ARID1B: variants seen among roughly 807,000 people sequenced by gnomAD.
ARID1B encodes the protein AT-rich interactive domain-containing protein 1B.
A neutral mutation model predicts 212.3 loss-of-function variants in ARID1B; 30 were observed. The ratio of observed to expected loss-of-function variants is 0.14; its 90% CI spans 0.11 to 0.19. The LOEUF is 0.19. ARID1B is among the 10% of genes least tolerant of loss of function. ARID1B has a pLI of 1.00. For synonymous variants in ARID1B, 1,402 were observed against 1,301.7 expected (o/e 1.08, Z -1.66); for missense variants, 2,891 against 3,204.0 (o/e 0.90, Z 2.36).
Position 157,174,832 on chromosome 6 carries a change from A to G in ARID1B, c.3346-15A>G. ...TACCTTTGTCATTTTTTTTTTTTTT[A>G]TTCCTCTACCACAGGATAGCTACAG... is the stretch of plus-strand genomic sequence containing the variant. On this transcript the variant is annotated splice_polypyrimidine_tract_variant and intron_variant, in intron 10 of 19. Coordinates refer to ENST00000636930, the MANE Select transcript of ARID1B (RefSeq NM_001374828.1). 1.5e-6 allele frequency: 2 copies of G among 1,361,236 alleles called. No individual in the cohort carries two copies. The highest frequency in any genetic ancestry group is 1.9e-5 in the South Asian group (1 of 53,332). 84.3% of individuals were successfully genotyped at this position (1,361,236 alleles called of 1,614,324 possible).
At chr6:157,011,434 A>G (rs1238289507) in intron 4 of ARID1B, among the ~76,000 whole-genome samples, 1 of 152,246 alleles carries the variant, frequency 6.6e-6, no homozygotes, top group Non-Finnish European at 1.5e-5. Flanking sequence ...AAAATGAACT[A>G]AGTGGAAAAA....
At chr6:157,132,515 C>A (rs1788618197) in intron 6 of ARID1B, among the ~76,000 whole-genome samples, 1 of 152,144 alleles carries the variant, frequency 6.6e-6, no homozygotes, top group African/African-American at 2.4e-5. Context: ...ATGGTTACTG[C>A]TTGAGGACAC....
chr6:157,143,671 G>T (rs1789530604), intron 7 of ARID1B, among the ~76,000 whole-genome samples: 1 of 152,200 alleles, frequency 6.6e-6, no homozygotes, highest in African/African-American at 2.4e-5. Flanking sequence ...CTGCTAGGGA[G>T]TGTCAGAACC....
In ARID1B at chr6:156,912,091, A is replaced by T. The variant is rs1313710185; in HGVS notation, c.2136+10566A>T. Among the ~76,000 whole-genome samples, 6 of 152,266 alleles carry T rather than the reference A, an allele frequency of 3.9e-5. No homozygotes were observed. In the East Asian group the frequency reaches 1.2e-3, roughly 29 times the overall value. The stretch of plus-strand genomic sequence containing the variant: ...CTACATAAACATGTAATGCATATAT[A>T]ATATTCTTAAATGTTGTGTAAAGGA... On this transcript the variant is annotated intron_variant, in intron 3 of 19. Transcript: ENST00000636930.
At chr6:157,126,435 AT>A (rs944350569) in intron 6 of ARID1B, among the ~76,000 whole-genome samples, 2 of 151,010 alleles carry the variant, frequency 1.3e-5, no homozygotes, top group Non-Finnish European at 3.0e-5. Context: ...CTTTTGCTTG[AT>A]TTTTTTTTCC....
intron 4 of ARID1B, among the ~76,000 whole-genome samples, chr6:156,947,631 A>G (rs934804648): frequency 1.5e-5 from 2 of 135,654 alleles, no homozygotes; most frequent in African/African-American, 5.6e-5. Context: ...CTGAAGGGCT[A>G]ATTTAAAAAA....
At chr6:157,106,198 C>T (rs1046591023) in intron 5 of ARID1B, among the ~76,000 whole-genome samples, 1 of 152,068 alleles carries the variant, frequency 6.6e-6, no homozygotes, top group African/African-American at 2.4e-5. Context: ...GAGCCCAGGA[C>T]AGTGTGTCCA....
intron 4 of ARID1B, among the ~76,000 whole-genome samples, chr6:157,005,393 A>T (rs1779189469): frequency 6.6e-6 from 1 of 151,968 alleles, no homozygotes. Flanking sequence ...TGACCTTGTG[A>T]TCTGCCTGCC....
At chr6:156,884,129 A>G (rs1787320601) in intron 2 of ARID1B, among the ~76,000 whole-genome samples, 2 of 152,206 alleles carry the variant, frequency 1.3e-5, no homozygotes, top group Admixed American at 6.5e-5. Context: ...AAGGAATTTG[A>G]TGTAAATAGT....
intron 4 of ARID1B, chr6:157,022,594 C>T (rs1036090575): frequency 1.3e-5 from 2 of 152,202 alleles, no homozygotes; most frequent in African/African-American, 4.8e-5. Flanking sequence ...CTAAACAACA[C>T]ATGAAACTAT....
In ARID1B at chr6:157,155,746, G is replaced by T. The variant is rs563064361; in HGVS notation, c.3089+6795G>T. Reference sequence around the variant, plus strand: ...ATTCCATAGGGTAGCTAGATCAGTGGTAACCCCACCGTATTGCTGTTGGAG... The same window carrying T: ...ATTCCATAGGGTAGCTAGATCAGTGTTAACCCCACCGTATTGCTGTTGGAG... On this transcript the variant is annotated intron_variant, in intron 8 of 19. Transcript: ENST00000636930. Among the ~76,000 whole-genome samples, 4 of 152,256 alleles carry T rather than the reference G, an allele frequency of 2.6e-5. No individual in the cohort carries two copies. In the South Asian group the frequency reaches 8.3e-4, roughly 32 times the overall value.
In ARID1B at chr6:157,209,128, T is replaced by TA. The variant is rs545023901; in HGVS notation, c.*1251dup. Reference sequence around the variant, plus strand: ...ATTTGTATTTCAAGATAATGTAGTTTAAAAAAAAAAAAAAGAAAAAAACTT... The same window carrying TA: ...ATTTGTATTTCAAGATAATGTAGTTTAAAAAAAAAAAAAAAGAAAAAAACTT... On this transcript the variant is annotated 3_prime_UTR_variant, in exon 20 of 20. Transcript: ENST00000636930. The TA allele has an allele frequency of 0.015, 3,031 of 205,532 alleles. No homozygotes were observed. The highest frequency in any genetic ancestry group is 0.029 in the East Asian group (412 of 14,008). 12.7% of individuals were successfully genotyped at this position (205,532 alleles called of 1,614,324 possible). A position where few individuals can be genotyped will look rare whatever the true frequency, so the allele number is the denominator to read the frequency against.
chr6:157,156,984 A>C (rs1310334892), intron 8 of ARID1B, among the ~76,000 whole-genome samples: 1 of 152,188 alleles, frequency 6.6e-6, no homozygotes, highest in African/African-American at 2.4e-5. Flanking sequence ...TGATCATGGC[A>C]GAGTGTGTCT....
At chr6:157,144,083 C>T (rs922391988) in intron 7 of ARID1B, among the ~76,000 whole-genome samples, 1 of 152,232 alleles carries the variant, frequency 6.6e-6, no homozygotes, top group African/African-American at 2.4e-5. Context: ...TATTGAAACA[C>T]AGCTCCTCTC....
chr6:156,782,695 A>C (rs2115061783), intron 1 of ARID1B, among the ~76,000 whole-genome samples: 1 of 152,280 alleles, frequency 6.6e-6, no homozygotes, highest in Non-Finnish European at 1.5e-5. Context: ...CTCCCAGTTA[A>C]ATTTTAGGGT....
At chr6:157,035,566 T>G (rs143562683) in intron 4 of ARID1B, among the ~76,000 whole-genome samples, 87 of 152,346 alleles carry the variant, frequency 5.7e-4, no homozygotes, top group Admixed American at 1.2e-3. Context: ...CCTTGGAAAT[T>G]AAAATGTAAA....
At chr6:156,871,788 C>T in intron 2 of ARID1B, 1 of 1,042,124 alleles carries the variant, frequency 9.6e-7, no homozygotes, top group Non-Finnish European at 1.4e-6. Context: ...GAGGGCCCAT[C>T]CCTGTGCAGG....
At chr6:157,101,540 G>A (rs1237554916) in intron 5 of ARID1B, among the ~76,000 whole-genome samples, 1 of 152,054 alleles carries the variant, frequency 6.6e-6, no homozygotes, top group Non-Finnish European at 1.5e-5. Flanking sequence ...AATTTCCATG[G>A]TTTCACATGT....
intron 1 of ARID1B, among the ~76,000 whole-genome samples, chr6:156,818,098 A>ATTTTTTTTTTTT (rs71027317): frequency 1.6e-5 from 1 of 61,322 alleles, no homozygotes. Context: ...TAGTTGCCCT[A>ATTTTTTTTTTTT]TTTTTTTTTT....
Sources: allele counts gnomAD v4.1 joint callset (sites outside exome capture counted in the v4.1 genomes callset), GRCh38; gene constraint gnomAD v4.1.1; transcripts MANE v1.5; gene names NCBI Gene and HGNC (gene_info 2026-07-23, HGNC 2026-07-21).